Variants in MACROD2 observed in about 807,000 individuals in gnomAD.
The protein encoded by MACROD2 is ADP-ribose glycohydrolase MACROD2.
A neutral mutation model predicts 70.4 loss-of-function variants in MACROD2; 36 were observed. That is an observed-to-expected ratio of 0.51 (90% CI 0.39 to 0.68). The LOEUF (loss-of-function observed/expected upper bound fraction) is 0.68. Ranked by LOEUF, MACROD2 falls within the 30% of genes least tolerant of loss-of-function variation. The pLI, the probability that MACROD2 is intolerant of heterozygous loss-of-function variation, is 0.00. For missense variants in MACROD2, 496 were observed against 538.4 expected, an observed-to-expected ratio of 0.92 and a Z score of 0.78; for synonymous variants, 172 against 178.8, an observed-to-expected ratio of 0.96 and a Z score of 0.30.
intron 5 of MACROD2, among the ~76,000 whole-genome samples, chr20:14,918,227 C>T (rs1173089243): frequency 2.6e-5 from 4 of 152,106 alleles, no homozygotes; most frequent in African/African-American, 7.2e-5. Flanking sequence ...CCACCTGCCT[C>T]GGCCTCCCAA....
At chr20:15,294,060 G>T in intron 6 of MACROD2, among the ~76,000 whole-genome samples, 1 of 150,208 alleles carries the variant, frequency 6.7e-6, no homozygotes, top group Admixed American at 6.7e-5. Flanking sequence ...GGTGGAGGTT[G>T]CAGTGAGCCG....
At chr20:15,663,629 A>C (rs1274464921) in intron 8 of MACROD2, among the ~76,000 whole-genome samples, 1 of 152,176 alleles carries the variant, frequency 6.6e-6, no homozygotes, top group Non-Finnish European at 1.5e-5. Flanking sequence ...ACAGAAAAAA[A>C]AAACCGTGTC....
intron 5 of MACROD2, among the ~76,000 whole-genome samples, chr20:14,817,397 A>C (rs2072786172): frequency 6.6e-6 from 1 of 152,040 alleles, no homozygotes; most frequent in African/African-American, 2.4e-5. Context: ...GTCGTGTTGA[A>C]AACCACATGT....
intron 10 of MACROD2, chr20:15,893,802 G>T (rs745918504): frequency 2.0e-5 from 9 of 456,646 alleles, no homozygotes; most frequent in Non-Finnish European, 4.0e-5. Flanking sequence ...ATGGTGTCAG[G>T]TTGGGTCTTG....
chr20:15,501,804 A>C (rs773859257), intron 8 of MACROD2, among the ~76,000 whole-genome samples: 3 of 152,224 alleles, frequency 2.0e-5, no homozygotes, highest in African/African-American at 7.2e-5. Context: ...TAGGTCTTAG[A>C]TAAAAGCTAA....
intron 5 of MACROD2, among the ~76,000 whole-genome samples, chr20:14,946,029 G>A (rs1391921751): frequency 6.6e-6 from 1 of 152,144 alleles, no homozygotes; most frequent in Non-Finnish European, 1.5e-5. Flanking sequence ...CCAACATGGT[G>A]AAACCCTGTC....
chr20:15,825,509 T>G (rs894056262), intron 8 of MACROD2, among the ~76,000 whole-genome samples: 1 of 151,908 alleles, frequency 6.6e-6, no homozygotes, highest in Admixed American at 6.6e-5. Context: ...TGTTGGTTTT[T>G]TTTTTTCGAG....
At chr20:14,363,365 G>T (rs2122724772) in intron 3 of MACROD2, among the ~76,000 whole-genome samples, 1 of 152,156 alleles carries the variant, frequency 6.6e-6, no homozygotes, top group South Asian at 2.1e-4. Flanking sequence ...AGTGAAAGAG[G>T]TGATATATGA....
intron 8 of MACROD2, among the ~76,000 whole-genome samples, chr20:15,511,428 C>T (rs116580104): frequency 8.9e-4 from 136 of 152,226 alleles, no homozygotes; most frequent in African/African-American, 3.2e-3. Context: ...AAGCGCAAAA[C>T]TTCACCTTTT....
chr20:15,609,394 A>G (rs1156679473), intron 8 of MACROD2, among the ~76,000 whole-genome samples: 1 of 152,218 alleles, frequency 6.6e-6, no homozygotes, highest in Non-Finnish European at 1.5e-5. Flanking sequence ...AAAAATTGCA[A>G]ATGTGTGTGA....
At chr20:15,929,098 G>C (rs1419436217) in intron 10 of MACROD2, among the ~76,000 whole-genome samples, 1 of 152,184 alleles carries the variant, frequency 6.6e-6, no homozygotes, top group Non-Finnish European at 1.5e-5. Flanking sequence ...TCACAGGTCT[G>C]TAAGATGACT....
intron 10 of MACROD2, among the ~76,000 whole-genome samples, chr20:15,891,010 C>A (rs141533682): frequency 6.6e-6 from 1 of 152,140 alleles, no homozygotes; most frequent in East Asian, 1.9e-4. Flanking sequence ...AATTTATGTT[C>A]TTGGGGATGA....
intron 5 of MACROD2, among the ~76,000 whole-genome samples, chr20:14,963,905 G>T (rs1555856921): frequency 6.6e-6 from 1 of 152,136 alleles, no homozygotes; most frequent in Non-Finnish European, 1.5e-5. Flanking sequence ...AGTAGAGAGG[G>T]AAATGCATAG....
chr20:15,844,666 CA>C (rs1357799364), intron 8 of MACROD2, among the ~76,000 whole-genome samples: 1 of 152,112 alleles, frequency 6.6e-6, no homozygotes, highest in Non-Finnish European at 1.5e-5. Flanking sequence ...TCCTGGAAAA[CA>C]AGACAATTTC....
At chr20:14,427,395 G>C (rs996960244) in intron 3 of MACROD2, among the ~76,000 whole-genome samples, 1 of 151,126 alleles carries the variant, frequency 6.6e-6, no homozygotes, top group African/African-American at 2.4e-5. Flanking sequence ...CTAGTTCCAT[G>C]GTCTTCTACT....
chr20:15,745,554 A>G (rs750019044), intron 8 of MACROD2, among the ~76,000 whole-genome samples: 60 of 152,152 alleles, frequency 3.9e-4, no homozygotes, highest in Admixed American at 3.3e-3. Flanking sequence ...AGTGATTCCT[A>G]TGGCTTGTCT....
chr20:14,337,403 C>T (rs2122648673), intron 3 of MACROD2: 1 of 290,986 alleles, frequency 3.4e-6, no homozygotes, highest in South Asian at 1.7e-4. Flanking sequence ...AAAACACTTA[C>T]CAGGAAGACG....
At chr20:14,537,499 G>T (rs1191232834) in intron 4 of MACROD2, among the ~76,000 whole-genome samples, 1 of 152,112 alleles carries the variant, frequency 6.6e-6, no homozygotes, top group Non-Finnish European at 1.5e-5. Flanking sequence ...CTTTCAGCCT[G>T]CCCTAAACAT....
At chr20:14,022,167 T>C (rs540659063) in intron 2 of MACROD2, among the ~76,000 whole-genome samples, 2 of 152,346 alleles carry the variant, frequency 1.3e-5, no homozygotes, top group Admixed American at 6.5e-5. Flanking sequence ...CGAGCTTCCA[T>C]GTTCTGTTGA....
Sources: allele counts gnomAD v4.1 joint callset (sites outside exome capture counted in the v4.1 genomes callset), GRCh38; gene constraint gnomAD v4.1.1; transcripts MANE v1.5; gene names NCBI Gene and HGNC (gene_info 2026-07-23, HGNC 2026-07-21).